CNGB3: variants seen among roughly 807,000 people sequenced by gnomAD.
CNGB3 encodes cyclic nucleotide-gated channel beta-3.
In CNGB3, 86 loss-of-function variants were observed where a neutral mutation model predicts 92.8. That is an observed-to-expected ratio of 0.93 (90% CI 0.78 to 1.11). The LOEUF is 1.11. Among genes scored for constraint, CNGB3 ranks in the 50% least tolerant of loss-of-function variants. The probability of loss-of-function intolerance (pLI) is 0.00; values close to 1 mark genes in which losing one functional copy is unlikely to be tolerated. For synonymous variants in CNGB3, 333 were observed against 332.7 expected (o/e 1.00, Z -0.01); for missense variants, 1,026 against 956.8 (o/e 1.07, Z -0.95).
At position 86,691,008 on chromosome 8, in the gene CNGB3, A is replaced by G. The variant is rs181398706; in HGVS notation, c.339-19910T>C. 1.2e-4 allele frequency among the ~76,000 whole-genome samples: 19 copies of G among 152,094 alleles called. No homozygotes were observed. In the East Asian group the frequency reaches 3.1e-3, roughly 25 times the overall value. On this transcript the variant is annotated intron_variant, in intron 3 of 17. Transcript: ENST00000320005. ...CAGGTAGTGTGATGCCTTCAGCTTT[A>G]TTCTTTTGGCTTAGGATTGACTTGG... is the stretch of plus-strand genomic sequence containing the variant.
chr8:86,634,964 C>CA (rs1423782885), intron 10 of CNGB3, among the ~76,000 whole-genome samples: 6 of 144,288 alleles, frequency 4.2e-5, no homozygotes, highest in African/African-American at 7.7e-5. Context: ...ACATAGGACT[C>CA]TTTTTTTTTT....
intron 2 of CNGB3, among the ~76,000 whole-genome samples, chr8:86,731,807 A>C (rs1825160386): frequency 6.6e-6 from 1 of 152,186 alleles, no homozygotes; most frequent in Non-Finnish European, 1.5e-5. Context: ...TGCAATATAA[A>C]CACAAAGTGT....
intron 3 of CNGB3, among the ~76,000 whole-genome samples, chr8:86,723,886 A>G (rs1335125665): frequency 6.6e-6 from 1 of 152,206 alleles, no homozygotes; most frequent in Non-Finnish European, 1.5e-5. Flanking sequence ...GCAGCAACAC[A>G]GATGGAGCTT....
intron 3 of CNGB3, among the ~76,000 whole-genome samples, chr8:86,725,412 A>C (rs1563767462): frequency 6.6e-6 from 1 of 152,210 alleles, no homozygotes; most frequent in East Asian, 1.9e-4. Flanking sequence ...ACAGTTATAG[A>C]TAAAATATAA....
intron 15 of CNGB3, among the ~76,000 whole-genome samples, chr8:86,588,596 C>T (rs1821946418): frequency 6.6e-6 from 1 of 151,342 alleles, no homozygotes; most frequent in Non-Finnish European, 1.5e-5. Flanking sequence ...TTGAGATAAT[C>T]ATGCGGTTTT....
At chr8:86,636,066 G>A (rs1325961160) in intron 10 of CNGB3, among the ~76,000 whole-genome samples, 5 of 151,550 alleles carry the variant, frequency 3.3e-5, no homozygotes, top group African/African-American at 1.2e-4. Context: ...CATGCCCACT[G>A]CCTAGATTCT....
intron 3 of CNGB3, among the ~76,000 whole-genome samples, chr8:86,721,648 T>C (rs1359687199): frequency 6.6e-6 from 1 of 152,188 alleles, no homozygotes; most frequent in Non-Finnish European, 1.5e-5. Context: ...AAAATTTCAA[T>C]ATGGGGCTAA....
intron 15 of CNGB3, among the ~76,000 whole-genome samples, chr8:86,590,642 T>G (rs1034664089): frequency 3.3e-5 from 5 of 151,468 alleles, no homozygotes; most frequent in Non-Finnish European, 7.4e-5. Context: ...GAAAATTCTT[T>G]TCTTTAAGAA....
At chr8:86,738,286 A>G (rs1195033175) in intron 2 of CNGB3, among the ~76,000 whole-genome samples, 37 of 152,270 alleles carry the variant, frequency 2.4e-4, no homozygotes, top group Non-Finnish European at 4.4e-5. Flanking sequence ...AATAGATCAC[A>G]TTAAGTTCTA....
At chr8:86,709,657 G>T (rs192450073) in intron 3 of CNGB3, among the ~76,000 whole-genome samples, 1 of 151,884 alleles carries the variant, frequency 6.6e-6, no homozygotes, top group East Asian at 1.9e-4. Context: ...TTACCGCATT[G>T]TACAACAAAC....
chr8:86,629,673 G>A (rs1822922870), intron 11 of CNGB3, among the ~76,000 whole-genome samples: 1 of 152,098 alleles, frequency 6.6e-6, no homozygotes, highest in South Asian at 2.1e-4. Flanking sequence ...ATCTCATCAT[G>A]CTTAAGGCAC....
At chr8:86,727,065 A>G (rs975872658) in intron 2 of CNGB3, among the ~76,000 whole-genome samples, 8 of 152,192 alleles carry the variant, frequency 5.3e-5, no homozygotes, top group Non-Finnish European at 1.0e-4. Context: ...ACTGTAAGCC[A>G]TTCTAACACA....
chr8:86,643,658 A>C, intron 10 of CNGB3, 93 bp downstream of exon 10: 2 of 1,411,242 alleles, frequency 1.4e-6, no homozygotes, highest in Non-Finnish European at 9.9e-7. Flanking sequence ...ATGGGTTATG[A>C]CAGCTTCAAA....
intron 3 of CNGB3, among the ~76,000 whole-genome samples, chr8:86,694,047 C>T (rs1824377720): frequency 7.2e-6 from 1 of 139,836 alleles, no homozygotes; most frequent in African/African-American, 2.7e-5. Flanking sequence ...CCCTCACCTC[C>T]CGGACGGGGC....
At chr8:86,625,460 T>C (rs867927362) in intron 13 of CNGB3, among the ~76,000 whole-genome samples, 2 of 152,194 alleles carry the variant, frequency 1.3e-5, no homozygotes, top group African/African-American at 4.8e-5. Context: ...GTAGTAATAC[T>C]TAAAACACTC....
In CNGB3 at chr8:86,671,298, C is replaced by A. The variant is rs1182573953; in HGVS notation, c.339-200G>T. 2.0e-5 allele frequency among the ~76,000 whole-genome samples: 3 copies of A among 152,148 alleles called. No individual in the cohort carries two copies. The East Asian group carries it at 5.8e-4, about 29-fold the overall frequency. ...GATTTGTTATTAAAAAAATTAGAAT[C>A]CTCAAATAGCAAGTGGTAACTCTTG... is the stretch of plus-strand genomic sequence containing the variant. On this transcript the variant is annotated intron_variant, in intron 3 of 17. Coordinates refer to ENST00000320005, the MANE Select transcript of CNGB3 (RefSeq NM_019098.5).
chr8:86,589,037 A>T (rs949347690), intron 15 of CNGB3, among the ~76,000 whole-genome samples: 2 of 152,250 alleles, frequency 1.3e-5, no homozygotes, highest in African/African-American at 4.8e-5. Flanking sequence ...GTCTATTCAG[A>T]GATTCAACTT....
At chr8:86,694,585 G>A (rs940192745) in intron 3 of CNGB3, among the ~76,000 whole-genome samples, 11 of 151,180 alleles carry the variant, frequency 7.3e-5, no homozygotes, top group Admixed American at 3.9e-4. Flanking sequence ...TTCTCAGACG[G>A]GGCGGCCGGG....
intron 10 of CNGB3, among the ~76,000 whole-genome samples, chr8:86,636,590 A>G (rs972757410): frequency 6.7e-6 from 1 of 150,118 alleles, no homozygotes; most frequent in Admixed American, 6.6e-5. Context: ...AAAAAAAAAA[A>G]AAAAAAAAAA....
Sources: allele counts gnomAD v4.1 joint callset (sites outside exome capture counted in the v4.1 genomes callset), GRCh38; gene constraint gnomAD v4.1.1; transcripts MANE v1.5; gene names NCBI Gene and HGNC (gene_info 2026-07-23, HGNC 2026-07-21).